CRTAC1: variants seen among roughly 807,000 people sequenced by gnomAD.
CRTAC1 encodes the protein acidic secreted protein in cartilage.
CRTAC1 carries 37 observed loss-of-function variants against 67.8 expected under a neutral mutation model. That is an observed-to-expected ratio of 0.55 (90% CI 0.42 to 0.72). The LOEUF (loss-of-function observed/expected upper bound fraction) is 0.72, where lower values mean the gene tolerates loss of function less well. Among genes scored for constraint, CRTAC1 ranks in the 30% least tolerant of loss-of-function variants. The pLI is 0.00. For missense variants in CRTAC1, 780 were observed against 931.6 expected (o/e 0.84, Z 2.12); for synonymous variants, 348 against 371.0 (o/e 0.94, Z 0.71).
chr10:97,996,064 C>T (rs766078000), intron 2 of CRTAC1, among the ~76,000 whole-genome samples: 74 of 151,934 alleles, frequency 4.9e-4, no homozygotes, highest in African/African-American at 1.6e-3. Context: ...CTTCCTTACA[C>T]CTTATACAAA....
intron 1 of CRTAC1, among the ~76,000 whole-genome samples, chr10:98,025,516 C>A (rs1056668371): frequency 6.6e-6 from 1 of 152,208 alleles, no homozygotes; most frequent in Admixed American, 6.5e-5. Context: ...CCTTTCACAC[C>A]TTTCTGCACA....
intron 2 of CRTAC1, among the ~76,000 whole-genome samples, chr10:97,960,707 T>A (rs2051511883): frequency 6.6e-6 from 1 of 152,256 alleles, no homozygotes; most frequent in South Asian, 2.1e-4. Context: ...GGCATGATTC[T>A]GGCTAAGAGA....
In CRTAC1 at chr10:97,904,712, C is replaced by T. The variant is rs750884882; in HGVS notation, c.953G>A (p.Arg318His). 7 of 1,598,010 alleles carry T rather than the reference C, an allele frequency of 4.4e-6. No homozygotes were observed. The highest frequency in any genetic ancestry group is 3.4e-5 in the South Asian group (3 of 88,646). Residue 318 changes from arginine (R) to histidine (H), a missense_variant, in exon 7 of 15, where the codon CGC becomes CAC. By Grantham distance (29) the Arg-to-His change is conservative (BLOSUM62 0). Coordinates refer to ENST00000370597, the MANE Select transcript of CRTAC1 (RefSeq NM_018058.7). ...ATGGGTGCTCATTTGCAGATAGAGG[C>T]GGTGGGGGCCATTCCAGTTGCCATA... is the stretch of plus-strand genomic sequence containing the variant. ...IVYGNWNGPH[R>H]LYLQMSTHGK...
intron 2 of CRTAC1, among the ~76,000 whole-genome samples, chr10:97,951,469 T>C (rs1453208279): frequency 6.6e-6 from 1 of 152,216 alleles, no homozygotes; most frequent in Non-Finnish European, 1.5e-5. Context: ...GGGGTCTTTG[T>C]TGCAGGCTGC....
chr10:97,937,491 C>A, intron 2 of CRTAC1, among the ~76,000 whole-genome samples: 1 of 152,244 alleles, frequency 6.6e-6, no homozygotes, highest in East Asian at 1.9e-4. Flanking sequence ...TCTGGTCCCA[C>A]TAGAATGTCT....
intron 2 of CRTAC1, among the ~76,000 whole-genome samples, chr10:97,977,043 C>T (rs1236223783): frequency 5.9e-5 from 9 of 152,166 alleles, no homozygotes; most frequent in Admixed American, 4.6e-4. Flanking sequence ...CAAGATGTCA[C>T]AGGAAAAGTG....
intron 2 of CRTAC1, among the ~76,000 whole-genome samples, chr10:97,977,189 C>A (rs2051820355): frequency 6.6e-6 from 1 of 152,116 alleles, no homozygotes; most frequent in Non-Finnish European, 1.5e-5. Context: ...ATAAGAGGGC[C>A]CAGGGTAATT....
intron 4 of CRTAC1, among the ~76,000 whole-genome samples, chr10:97,918,970 A>G (rs953875074): frequency 2.0e-5 from 3 of 151,796 alleles, no homozygotes; most frequent in Non-Finnish European, 2.9e-5. Flanking sequence ...TTTTTAGTAG[A>G]GACAGGGTTT....
intron 5 of CRTAC1, among the ~76,000 whole-genome samples, chr10:97,912,494 C>T (rs550882151): frequency 6.6e-6 from 1 of 152,332 alleles, no homozygotes; most frequent in Admixed American, 6.5e-5. Context: ...CCTCAAGAAC[C>T]ATCCCTTTAC....
intron 6 of CRTAC1, 124 bp downstream of exon 6, chr10:97,907,889 G>T: frequency 9.7e-7 from 1 of 1,026,570 alleles, no homozygotes; most frequent in Non-Finnish European, 1.4e-6. Context: ...TGGTGCAGAC[G>T]ATGACTTGCC....
chr10:97,913,648 GTC>G (rs1036595380), intron 5 of CRTAC1, among the ~76,000 whole-genome samples: 2 of 152,200 alleles, frequency 1.3e-5, no homozygotes, highest in African/African-American at 4.8e-5. Context: ...CAGGGAAAAG[GTC>G]TCTGTGTGTC....
intron 2 of CRTAC1, among the ~76,000 whole-genome samples, chr10:97,947,678 T>C (rs537151518): frequency 2.8e-4 from 42 of 152,278 alleles, no homozygotes; most frequent in African/African-American, 1.0e-3. Flanking sequence ...GGATGTTTAA[T>C]TGGGGGAACT....
At position 97,970,183 on chromosome 10, in the gene CRTAC1, C is replaced by T. The variant is rs2051685144; in HGVS notation, c.225-33817G>A. Among the ~76,000 whole-genome samples the T allele has an allele frequency of 2.6e-5, 4 of 152,114 alleles. No individual in the cohort carries two copies. In the South Asian group the frequency reaches 8.3e-4, roughly 31 times the overall value. On this transcript the variant is annotated intron_variant, in intron 2 of 14. Coordinates refer to ENST00000370597, the MANE Select transcript of CRTAC1 (RefSeq NM_018058.7). ...GGCAAATCCTGTCGGCTCTACCTTA[C>T]AATATATTAATACACAGAACATGGT...
intron 14 of CRTAC1, 124 bp from the exon 15 acceptor site, chr10:97,865,838 C>T (rs1211324832): frequency 1.3e-5 from 16 of 1,245,922 alleles, no homozygotes; most frequent in South Asian, 4.6e-5. Context: ...GGGAGGGTGA[C>T]GGGCCTCATA....
chr10:97,962,636 T>G (rs974201702), intron 2 of CRTAC1, among the ~76,000 whole-genome samples: 1 of 152,120 alleles, frequency 6.6e-6, no homozygotes, highest in African/African-American at 2.4e-5. Flanking sequence ...GGGCTACTGG[T>G]GCCATGAGGT....
At chr10:98,020,282 C>G (rs561013998) in intron 1 of CRTAC1, among the ~76,000 whole-genome samples, 1 of 152,076 alleles carries the variant, frequency 6.6e-6, no homozygotes, top group Non-Finnish European at 1.5e-5. Flanking sequence ...AAGTACTATA[C>G]GAGGAATGGA....
At chr10:98,012,913 G>C (rs1361323929) in intron 1 of CRTAC1, among the ~76,000 whole-genome samples, 1 of 152,142 alleles carries the variant, frequency 6.6e-6, no homozygotes, top group Non-Finnish European at 1.5e-5. Context: ...TCTTCTACTG[G>C]GTTTTCTAAT....
At chr10:97,991,663 AC>A (rs898495751) in intron 2 of CRTAC1, among the ~76,000 whole-genome samples, 3 of 152,166 alleles carry the variant, frequency 2.0e-5, no homozygotes, top group Non-Finnish European at 4.4e-5. Flanking sequence ...ATTTGTCTTC[AC>A]CACAATGGTA....
intron 14 of CRTAC1, chr10:97,869,378 TG>T (rs1316335112): frequency 6.6e-6 from 1 of 152,456 alleles, no homozygotes; most frequent in Non-Finnish European, 1.5e-5. Flanking sequence ...GGGGTCTGGC[TG>T]TAGCCATGTC....
Sources: gnomAD v4.1 joint callset for allele counts (sites outside exome capture counted in the v4.1 genomes callset) on GRCh38, gnomAD v4.1.1 for gene constraint, MANE v1.5 for transcripts, NCBI Gene and HGNC (gene_info 2026-07-23, HGNC 2026-07-21) for gene names.